KLHL29: variants seen among roughly 807,000 people sequenced by gnomAD.
KLHL29 encodes kelch-like protein 29.
KLHL29 carries 21 observed loss-of-function variants against 80.4 expected under a neutral mutation model. The observed-to-expected ratio is 0.26, with a 90% CI of 0.19 to 0.38. KLHL29 has a LOEUF of 0.38. Among genes scored for constraint, KLHL29 ranks in the 10% least tolerant of loss-of-function variants. The pLI, the probability that KLHL29 is intolerant of heterozygous loss-of-function variation, is 1.00. For synonymous variants in KLHL29, 511 were observed against 526.8 expected, an observed-to-expected ratio of 0.97 and a Z score of 0.41; for missense variants, 867 against 1,223.9, an observed-to-expected ratio of 0.71 and a Z score of 4.35.
chr2:23,407,683 T>G (rs1398740644), intron 1 of KLHL29, among the ~76,000 whole-genome samples: 2 of 152,242 alleles, frequency 1.3e-5, no homozygotes, highest in Non-Finnish European at 2.9e-5. Context: ...TTCCCCATCC[T>G]GGCTTTGGAT....
At chr2:23,430,823 C>A (rs1339918873) in intron 1 of KLHL29, among the ~76,000 whole-genome samples, 1 of 152,188 alleles carries the variant, frequency 6.6e-6, no homozygotes, top group Non-Finnish European at 1.5e-5. Context: ...TCCAGCCTTT[C>A]CATTTTACAG....
At chr2:23,676,520 G>A (rs184933283) in intron 5 of KLHL29, among the ~76,000 whole-genome samples, 60 of 152,338 alleles carry the variant, frequency 3.9e-4, no homozygotes, top group African/African-American at 1.3e-3. Context: ...GCCAGCCATG[G>A]TGGCTCACAC....
At chr2:23,421,524 TTGTGTGTGTGTGTGTGTGTGTGTG>T (rs57348539) in intron 1 of KLHL29, among the ~76,000 whole-genome samples, 1 of 143,514 alleles carries the variant, frequency 7.0e-6, no homozygotes, top group South Asian at 2.3e-4. Context: ...TTAGACAAGA[TTGTGTGTGTGTGTGTGTGTGTGTG>T]TGTGTGTGTG....
chr2:23,601,290 T>C (rs528834538), intron 3 of KLHL29, among the ~76,000 whole-genome samples: 27 of 152,162 alleles, frequency 1.8e-4, no homozygotes, highest in Non-Finnish European at 3.2e-4. Context: ...AGAAAATTCA[T>C]TTTAAGTGGG....
chr2:23,606,591 A>G (rs780454987), intron 3 of KLHL29, among the ~76,000 whole-genome samples: 4 of 152,262 alleles, frequency 2.6e-5, no homozygotes, highest in Non-Finnish European at 5.9e-5. Flanking sequence ...CGCAATTAGC[A>G]GTTTTAATCT....
chr2:23,409,216 G>A (rs2723110), intron 1 of KLHL29, among the ~76,000 whole-genome samples: 9,948 of 152,212 alleles, frequency 0.065, 598 homozygotes, highest in African/African-American at 0.16. Context: ...AGAGAGCAAA[G>A]AAGAAGAGAA....
intron 1 of KLHL29, among the ~76,000 whole-genome samples, chr2:23,446,279 C>G (rs1468394531): frequency 2.0e-5 from 3 of 151,892 alleles, no homozygotes; most frequent in Non-Finnish European, 4.4e-5. Context: ...CATCTTTCCC[C>G]CAAAGGTTTG....
At chr2:23,426,402 T>A (rs567355228) in intron 1 of KLHL29, among the ~76,000 whole-genome samples, 1 of 152,278 alleles carries the variant, frequency 6.6e-6, no homozygotes, top group African/African-American at 2.4e-5. Context: ...ACTGGTCACC[T>A]CCAGGAGCAG....
In KLHL29 at chr2:23,696,737, A is replaced by T; in HGVS notation, c.2105+224A>T. 1 of 481,080 alleles carries T rather than the reference A, an allele frequency of 2.1e-6. No homozygotes were observed. The highest frequency in any genetic ancestry group is 3.6e-6 in the Non-Finnish European group (1 of 274,204). The allele number at this position is 481,080 out of a possible 1,614,324, so 29.8% of individuals were successfully genotyped here. ...CTGTGTCACCTTTGCAGTCGCTGAGATGGGAGATGGGGCGCTTCTGTCCCG... is the reference window on the plus strand; with the variant it reads ...CTGTGTCACCTTTGCAGTCGCTGAGTTGGGAGATGGGGCGCTTCTGTCCCG... On this transcript the variant is annotated intron_variant, in intron 11 of 13. Coordinates refer to ENST00000486442, the MANE Select transcript of KLHL29 (RefSeq NM_052920.2). This position sits in a 1 kb window ranked among gnomAD's most constrained non-coding sequence, Gnocchi z 5.5.
intron 2 of KLHL29, among the ~76,000 whole-genome samples, chr2:23,475,998 C>T (rs1664630918): frequency 6.6e-6 from 1 of 152,200 alleles, no homozygotes; most frequent in Non-Finnish European, 1.5e-5. Context: ...TCCACCTCAG[C>T]CTCCCAAGTA....
chr2:23,437,861 T>C (rs1663388289), intron 1 of KLHL29, among the ~76,000 whole-genome samples: 1 of 152,202 alleles, frequency 6.6e-6, no homozygotes, highest in Admixed American at 6.5e-5. Flanking sequence ...TCATTGGTAG[T>C]TTGATGGGGA....
chr2:23,642,621 A>G lies in KLHL29; in HGVS notation c.711A>G (p.Thr237=). Residue 237 remains threonine (T), a synonymous_variant, in exon 5 of 14, where the codon ACA becomes ACG. Coordinates refer to ENST00000486442, the MANE Select transcript of KLHL29 (RefSeq NM_052920.2). ...GCCCTCAGCCCCTGGCCGTGTCCAC[A>G]CTGCCCGGTGTGGGGCAGGTGGCCC... is the stretch of plus-strand genomic sequence containing the variant. ...YASPQPLAVS[T]LPGVGQVARP... is the part of the protein sequence containing the mutation. 6 of 1,549,688 alleles carry G rather than the reference A, an allele frequency of 3.9e-6. No homozygotes were observed. The highest frequency in any genetic ancestry group is 5.2e-6 in the Non-Finnish European group (6 of 1,146,550).
At chr2:23,665,779 AGACG>A (rs1046883331) in intron 5 of KLHL29, among the ~76,000 whole-genome samples, 2 of 152,188 alleles carry the variant, frequency 1.3e-5, no homozygotes, top group Admixed American at 1.3e-4. Context: ...ATGAGCTAAT[AGACG>A]GAGAGGCCTC....
rs1672314374 is a variant in KLHL29, at chr2:23,700,802, T to TTCCATCC, written c.2106-2375_2106-2369dup. On this transcript the variant is annotated intron_variant, in intron 11 of 13. Coordinates refer to ENST00000486442, the MANE Select transcript of KLHL29 (RefSeq NM_052920.2). The surrounding 1 kb of genome is among the most constrained non-coding windows in gnomAD (Gnocchi z 4.6). ...CTACAGAGCAGTGGCCTGCTGGAGATTCCATCCTCCATCCTTGAAGCCCTC... is the reference window on the plus strand; with the variant it reads ...CTACAGAGCAGTGGCCTGCTGGAGATTCCATCCTCCATCCTCCATCCTTGAAGCCCTC... Among the ~76,000 whole-genome samples, 1 of 152,166 alleles carries TTCCATCC rather than the reference T, an allele frequency of 6.6e-6. No homozygotes were observed. The highest frequency in any genetic ancestry group is 2.4e-5 in the African/African-American group (1 of 41,440).
rs146277040 is a variant in KLHL29, at chr2:23,388,813, C to T, written c.-154+3033C>T. Among the ~76,000 whole-genome samples the T allele has an allele frequency of 5.8e-3, 881 of 151,840 alleles. 2 individuals carry two copies. Among genetic ancestry groups the T allele is most frequent in the Admixed American group, 0.01 (155 of 15,254 alleles). ...CCCTAATACTAATGTCATTTTTTGG[C>T]ATCTCATTTGATATGTATGTGTACA... On this transcript the variant is annotated intron_variant, in intron 1 of 13. Transcript: ENST00000486442.
chr2:23,590,196 C>T (rs1032608638), intron 3 of KLHL29, among the ~76,000 whole-genome samples: 4 of 152,234 alleles, frequency 2.6e-5, no homozygotes, highest in African/African-American at 4.8e-5. Flanking sequence ...GCCCCTTGCC[C>T]GCTTTTCTTC....
chr2:23,681,765 C>T lies in KLHL29; in HGVS notation c.941-2634C>T, dbSNP rs1477124286. On this transcript the variant is annotated intron_variant, in intron 5 of 13. Transcript: ENST00000486442. The surrounding 1 kb of genome is among the most constrained non-coding windows in gnomAD (Gnocchi z 4.2). ...TCAGAATCCCAGCCCAGAATTCTGTCCCCTCCCCTACCGCTTCACTCAAAA... is the reference window on the plus strand; with the variant it reads ...TCAGAATCCCAGCCCAGAATTCTGTTCCCTCCCCTACCGCTTCACTCAAAA... 6.6e-6 allele frequency among the ~76,000 whole-genome samples: 1 copy of T among 152,170 alleles called. No homozygotes were observed. The highest frequency in any genetic ancestry group is 1.5e-5 in the Non-Finnish European group (1 of 68,024).
chr2:23,447,796 C>T lies in KLHL29; in HGVS notation c.-153-27764C>T, dbSNP rs115705238. Among the ~76,000 whole-genome samples, 1,016 of 152,288 alleles carry T rather than the reference C, an allele frequency of 6.7e-3. 15 individuals are homozygous for T. The highest frequency in any genetic ancestry group is 0.023 in the African/African-American group (971 of 41,564). ...GGCCATTTATAGTCCTTATTTATCCCAATAGATGTGAATCCTTATACCTTT... is the reference window on the plus strand; with the variant it reads ...GGCCATTTATAGTCCTTATTTATCCTAATAGATGTGAATCCTTATACCTTT... On this transcript the variant is annotated intron_variant, in intron 1 of 13. Transcript: ENST00000486442.
chr2:23,576,971 G>A lies in KLHL29; in HGVS notation c.285+14490G>A, dbSNP rs1163217075. Among the ~76,000 whole-genome samples, 3 of 152,234 alleles carry A rather than the reference G, an allele frequency of 2.0e-5. No individual in the cohort carries two copies. The East Asian group carries it at 5.8e-4, about 29-fold the overall frequency. On this transcript the variant is annotated intron_variant, in intron 3 of 13. Coordinates refer to ENST00000486442, the MANE Select transcript of KLHL29 (RefSeq NM_052920.2). ...CCTGGTGGAAGAGCCAGGGTGTCCG[G>A]CCACCACCCATCTTCAGGTGGGCTT...
Sources: allele counts gnomAD v4.1 joint callset (sites outside exome capture counted in the v4.1 genomes callset), GRCh38; gene constraint gnomAD v4.1.1; non-coding constraint Gnocchi (gnomAD v3.1); transcripts MANE v1.5; gene names NCBI Gene and HGNC (gene_info 2026-07-23, HGNC 2026-07-21).